The following IGFALS variants were observed in gnomAD, a reference collection of about 807,000 sequenced individuals.
IGFALS encodes insulin-like growth factor-binding protein complex acid labile subunit.
In IGFALS, 2 loss-of-function variants were observed where a neutral mutation model predicts 2.6. The observed-to-expected ratio is 0.77, with a 90% CI of 0.32 to 2.44. IGFALS has a LOEUF of 2.44. Ranked by LOEUF, IGFALS falls within the 30% of genes most tolerant of loss-of-function variation. IGFALS has a pLI of 0.11. For missense variants in IGFALS, 996 were observed against 848.7 expected, an observed-to-expected ratio of 1.17 and a Z score of -2.16; for synonymous variants, 519 against 431.9, an observed-to-expected ratio of 1.20 and a Z score of -2.50.
chr16:1,794,653 C>T (rs1308754333), upstream of IGFALS, among the ~76,000 whole-genome samples: 1 of 152,208 alleles, frequency 6.6e-6, no homozygotes, highest in Non-Finnish European at 1.5e-5. Context: ...TGAGCAGGTG[C>T]AGCCCCTCCC....
rs948474478 is a variant in IGFALS at position 1,792,074 on chromosome 16, G to A, written c.344C>T (p.Pro115Leu). The change falls in exon 2 of 2, where the codon CCA (proline) becomes CTA (leucine). Residue 115 changes from proline to leucine, a missense_variant. By Grantham distance (98) the Pro-to-Leu change is moderately conservative. Coordinates refer to ENST00000215539, the MANE Select transcript of IGFALS (RefSeq NM_004970.3). The stretch of plus-strand genomic sequence containing the variant: ...GTTCTCTAGGCCCAGCAGCGCCTGT[G>A]GCTCCAGGCTGCCCAGCTGGCCGCC... Reference protein sequence around the residue: ...LQGGQLGSLEPQALLGLENLC... With the variant: ...LQGGQLGSLELQALLGLENLC... 6.2e-7 allele frequency: 1 copy of A among 1,609,782 alleles called. No homozygotes were observed. Among genetic ancestry groups the A allele is most frequent in the African/African-American group, 1.3e-5 (1 of 74,914 alleles).
At chr16:1,793,713 A>G, upstream of IGFALS, 3 of 1,514,694 alleles carry the variant, frequency 2.0e-6, no homozygotes, top group Non-Finnish European at 2.7e-6. Context: ...TGTGCCGGCC[A>G]CCCCTGCCCT....
At chr16:1,794,117 GC>G (rs941157686), upstream of IGFALS, among the ~76,000 whole-genome samples, 2 of 152,010 alleles carry the variant, frequency 1.3e-5, no homozygotes, top group African/African-American at 2.4e-5. Context: ...TGAGTAGCCA[GC>G]CGTGTGGGGC....
chr16:1,792,440 G>C, intron 1 of IGFALS, 39 bp from the exon 2 acceptor site: 1 of 1,508,168 alleles, frequency 6.6e-7, no homozygotes, highest in Non-Finnish European at 8.8e-7. Flanking sequence ...CCCGAGGAGG[G>C]CTCTGCCCGA....
In IGFALS at chr16:1,791,870, G is replaced by T. The variant is rs374593776; in HGVS notation, c.548C>A (p.Ala183Glu). ...GCGGAACGCCGCATCGGGGAGCACCGCCAGGCTATTCCAGCCGAGGTTGAG... is the reference window on the plus strand; with the variant it reads ...GCGGAACGCCGCATCGGGGAGCACCTCCAGGCTATTCCAGCCGAGGTTGAG... ...WDLNLGWNSL[A>E]VLPDAAFRGL... is the part of the protein sequence containing the mutation. The change falls in exon 2 of 2, where the codon GCG (alanine) becomes GAG (glutamate). Residue 183 changes from alanine (A) to glutamate (E), a missense_variant. By Grantham distance (107) the Ala-to-Glu change is moderately radical. Coordinates refer to ENST00000215539, the MANE Select transcript of IGFALS (RefSeq NM_004970.3). The T allele has an allele frequency of 9.6e-6, 15 of 1,559,790 alleles. No homozygotes were observed. Among genetic ancestry groups the T allele is most frequent in the East Asian group, 2.4e-5 (1 of 41,706 alleles).
chr16:1,791,158 G>A lies in IGFALS; in HGVS notation c.1260C>T (p.Asn420=), dbSNP rs753116894. The change falls in exon 2 of 2, where the codon AAC becomes AAT. Residue 420 remains asparagine, a synonymous_variant. Coordinates refer to ENST00000215539, the MANE Select transcript of IGFALS (RefSeq NM_004970.3). The stretch of plus-strand genomic sequence containing the variant: ...TCTGCTCCTCAATGCCCACGAGGCC[G>A]TTGTCCTTGAGGAAGAGTCGGCGGA... The part of the protein sequence containing the change: ...SGLRRLFLKD[N]GLVGIEEQSL... 1.2e-5 allele frequency: 20 copies of A among 1,606,648 alleles called. No homozygotes were observed. The highest frequency in any genetic ancestry group is 5.0e-5 in the Admixed American group (3 of 59,996).
upstream of IGFALS, among the ~76,000 whole-genome samples, chr16:1,794,540 C>T (rs72552263): frequency 0.021 from 3,141 of 152,230 alleles, 92 homozygotes; most frequent in South Asian, 0.067. Flanking sequence ...CAGCCATGTC[C>T]AAGGCCACCC....
chr16:1,794,178 C>T (rs961927075), upstream of IGFALS, among the ~76,000 whole-genome samples: 23 of 152,138 alleles, frequency 1.5e-4, no homozygotes, highest in African/African-American at 4.8e-4. Context: ...TCCACCCGCC[C>T]TCCCGGGGGT....
At chr16:1,792,474 G>T (rs912461437) in intron 1 of IGFALS, 73 bp from the exon 2 acceptor site, 2 of 1,464,128 alleles carry the variant, frequency 1.4e-6, no homozygotes, top group African/African-American at 2.8e-5. Context: ...CAGCACAGCC[G>T]GAAGCGGCGC....
At position 1,791,294 on chromosome 16, in the gene IGFALS, C is replaced by A; in HGVS notation, c.1124G>T (p.Arg375Leu). The A allele has an allele frequency of 6.2e-7, 1 of 1,609,000 alleles. No homozygotes were observed. Among genetic ancestry groups the A allele is most frequent in the Non-Finnish European group, 8.5e-7 (1 of 1,179,932 alleles). Reference protein sequence around the residue: ...AVMNLSGNCLRNLPEQVFRGL... With the variant: ...AVMNLSGNCLLNLPEQVFRGL... ...CCGGAACACCTGCTCCGGAAGGTTC[C>A]GGAGACAGTTCCCAGAGAGGTTCAT... The change falls in exon 2 of 2, where the codon CGG becomes CTG. Residue 375 changes from arginine to leucine, a missense_variant. Arg to Leu is a moderately radical substitution (Grantham distance 102, BLOSUM62 -2). Coordinates refer to ENST00000215539, the MANE Select transcript of IGFALS (RefSeq NM_004970.3).
In IGFALS at chr16:1,790,994, G is replaced by T; in HGVS notation, c.1424C>A (p.Ala475Glu). 1 of 1,597,636 alleles carries T rather than the reference G, an allele frequency of 6.3e-7. No individual in the cohort carries two copies. Among genetic ancestry groups the T allele is most frequent in the Non-Finnish European group, 8.5e-7 (1 of 1,179,462 alleles). ...LSRNRLAELP[A>E]DALGPLQRAF... ...CCGCTGCAGGGGGCCCAGGGCGTCC[G>T]CCGGCAGCTCTGCCAGGCGGTTGCG... The change falls in exon 2 of 2, where the codon GCG (alanine) becomes GAG (glutamate). Residue 475 changes from alanine to glutamate, a missense_variant. Coordinates refer to ENST00000215539, the MANE Select transcript of IGFALS (RefSeq NM_004970.3).
At chr16:1,794,106 C>T (rs936368111), upstream of IGFALS, among the ~76,000 whole-genome samples, 12 of 152,106 alleles carry the variant, frequency 7.9e-5, no homozygotes, top group Non-Finnish European at 8.8e-5. Context: ...CACCCCTGGC[C>T]TGAGTAGCCA....
At chr16:1,794,008 G>A (rs1197017028), upstream of IGFALS, among the ~76,000 whole-genome samples, 1 of 152,156 alleles carries the variant, frequency 6.6e-6, no homozygotes, top group African/African-American at 2.4e-5. Flanking sequence ...GAGGGGCTGG[G>A]GCTTGAGGCC....
At chr16:1,794,871 G>A (rs3829561), upstream of IGFALS, 96,659 of 702,104 alleles carry the variant, frequency 0.14, 10,075 homozygotes, top group African/African-American at 0.42. Flanking sequence ...GTGGGAAGCC[G>A]CCGGCCCACT....
rs758088919 is a variant in IGFALS, at chr16:1,791,652, C to T, written c.766G>A (p.Ala256Thr). 2 of 1,582,240 alleles carry T rather than the reference C, an allele frequency of 1.3e-6. No individual in the cohort carries two copies. The highest frequency in any genetic ancestry group is 1.7e-6 in the Non-Finnish European group (2 of 1,166,962). The change falls in exon 2 of 2, where the codon GCC (alanine) becomes ACC (threonine). Residue 256 changes from alanine (A) to threonine (T), a missense_variant. Transcript: ENST00000215539. ...CCCAGGAAGGCGCCCGGGGCCACGGCAGCGATGAGGTTGCGGTCCAGGTAG... is the reference window on the plus strand; with the variant it reads ...CCCAGGAAGGCGCCCGGGGCCACGGTAGCGATGAGGTTGCGGTCCAGGTAG... ...KLYLDRNLIA[A>T]VAPGAFLGLK...
rs146602902 is a variant in IGFALS, at chr16:1,792,299, G to A, written c.119C>T (p.Ala40Val). ...GCTGCAGACACAGGCGGCCGGGCAC[G>A]CTGGGCCCTCGGCTTCCCCCGGCGT... ...PGTPGEAEGP[A>V]CPAACVCSYD... is the part of the protein sequence containing the mutation. Residue 40 changes from alanine to valine, a missense_variant, in exon 2 of 2, where the codon GCG becomes GTG. Physicochemically the swap from Ala to Val is moderately conservative, Grantham distance 64. Transcript: ENST00000215539. 125 of 1,598,656 alleles carry A rather than the reference G, an allele frequency of 7.8e-5. No individual in the cohort carries two copies. The African/African-American group carries it at 1.5e-3, about 19-fold the overall frequency.
chr16:1,793,178 CTG>C (rs1177743438), intron 1 of IGFALS, among the ~76,000 whole-genome samples: 3 of 152,204 alleles, frequency 2.0e-5, no homozygotes, highest in Non-Finnish European at 4.4e-5. Context: ...GACTGCCCTT[CTG>C]TCACGATGGG....
At position 1,790,711 on chromosome 16, in the gene IGFALS, G is replaced by T. The variant is rs763718123; in HGVS notation, c.1707C>A (p.Asp569Glu). 3 of 1,608,590 alleles carry T rather than the reference G, an allele frequency of 1.9e-6. No individual in the cohort carries two copies. Among genetic ancestry groups the T allele is most frequent in the Non-Finnish European group, 2.5e-6 (3 of 1,178,328 alleles). Reference sequence around the variant, plus strand: ...AGGTGTACGCGGGCGGCTGGCAATCGTCCCCCTCACAGATGGCCTGGACGA... The same window carrying T: ...AGGTGTACGCGGGCGGCTGGCAATCTTCCCCCTCACAGATGGCCTGGACGA... ...PRFVQAICEG[D>E]DCQPPAYTYN... The change falls in exon 2 of 2, where the codon GAC becomes GAA. Residue 569 changes from aspartate to glutamate, a missense_variant. Transcript: ENST00000215539.
Position 1,791,821 on chromosome 16 carries a change from C to T in IGFALS, c.597G>A (p.Leu199=). The change falls in exon 2 of 2, where the codon CTG becomes CTA. Residue 199 remains leucine (L), a synonymous_variant. Coordinates refer to ENST00000215539, the MANE Select transcript of IGFALS (RefSeq NM_004970.3). ...AFRGLGSLRE[L]VLAGNRLAYL... ...AGGCCAGCCTGTTGCCCGCCAGCAC[C>T]AGCTCGCGCAGGCTGCCCAGGCCGC... The T allele has an allele frequency of 1.9e-6, 3 of 1,549,024 alleles. No homozygotes were observed. The highest frequency in any genetic ancestry group is 2.6e-6 in the Non-Finnish European group (3 of 1,148,758).
Sources: gnomAD v4.1 joint callset for allele counts (sites outside exome capture counted in the v4.1 genomes callset) on GRCh38, gnomAD v4.1.1 for gene constraint, MANE v1.5 for transcripts, NCBI Gene and HGNC (gene_info 2026-07-23, HGNC 2026-07-21) for gene names.